DPY19L2: variants seen among roughly 807,000 people sequenced by gnomAD.
DPY19L2 encodes the protein dpy-19 like 2, also known as probable C-mannosyltransferase DPY19L2.
A neutral mutation model predicts 97.9 loss-of-function variants in DPY19L2; 34 were observed. The observed-to-expected ratio is 0.35, with a 90% CI of 0.26 to 0.46. The LOEUF is 0.46. Ranked by LOEUF, DPY19L2 falls within the 20% of genes least tolerant of loss-of-function variation. The probability of loss-of-function intolerance (pLI) is 1.00; values close to 1 mark genes in which losing one functional copy is unlikely to be tolerated. For synonymous variants in DPY19L2, 230 were observed against 307.9 expected, an observed-to-expected ratio of 0.75 and a Z score of 2.65; for missense variants, 623 against 911.4, an observed-to-expected ratio of 0.68 and a Z score of 4.07.
intron 6 of DPY19L2, among the ~76,000 whole-genome samples, chr12:63,631,736 C>T (rs1028821302): frequency 4.6e-5 from 7 of 152,096 alleles, no homozygotes; most frequent in African/African-American, 1.7e-4. Flanking sequence ...CATCCTGATA[C>T]CAAAGTCTGG....
rs1893115449 is a variant in DPY19L2 at position 63,644,410 on chromosome 12, A to G, written c.796T>C (p.Tyr266His). 6.2e-7 allele frequency: 1 copy of G among 1,609,258 alleles called. No homozygotes were observed. Among genetic ancestry groups the G allele is most frequent in the Non-Finnish European group, 8.5e-7 (1 of 1,178,356 alleles). ...ATTCAGTAGTAGTCTTACCTCAGGT[A>G]TGCTCCATACATGAAGAACAATCCC... ...MMGLFFMYGAYLSGTQLGGLI... is the reference protein window; with the variant it reads ...MMGLFFMYGAHLSGTQLGGLI... The change falls in exon 6 of 22, where the codon TAC (tyrosine) becomes CAC (histidine). Residue 266 changes from tyrosine (Y) to histidine (H), a missense_variant. Transcript: ENST00000324472.
At position 63,569,465 on chromosome 12, in the gene DPY19L2, C is replaced by T. The variant is rs1260715533; in HGVS notation, c.2001-116G>A. 8.7e-6 allele frequency: 7 copies of T among 807,752 alleles called. No individual in the cohort carries two copies. In the Admixed American group the frequency reaches 1.4e-4, roughly 16 times the overall value. The allele number at this position is 807,752 out of a possible 1,614,324, so 50.0% of individuals were successfully genotyped here. A position where few individuals can be genotyped will look rare whatever the true frequency, so the allele number is the denominator to read the frequency against. ...ACTCACTGGATGGAACACCGATATA[C>T]ATGACTCAAAACAGCATCAATTATT... On this transcript the variant is annotated intron_variant, in intron 20 of 21. Transcript: ENST00000324472.
intron 6 of DPY19L2, among the ~76,000 whole-genome samples, chr12:63,635,803 C>T (rs1287170244): frequency 5.9e-5 from 9 of 152,096 alleles, no homozygotes; most frequent in South Asian, 4.1e-4. Context: ...TACGGCTGAT[C>T]GGTGTACCTG....
chr12:63,608,566 A>C, intron 12 of DPY19L2, 50 bp downstream of exon 12: 1 of 1,492,776 alleles, frequency 6.7e-7, no homozygotes, highest in Non-Finnish European at 9.2e-7. Flanking sequence ...CAGTTTATAG[A>C]AATAAAAAGT....
intron 11 of DPY19L2, among the ~76,000 whole-genome samples, chr12:63,611,860 AAAT>A (rs1887062315): frequency 6.6e-6 from 1 of 152,118 alleles, no homozygotes; most frequent in South Asian, 2.1e-4. Flanking sequence ...ATATTTGAAG[AAAT>A]AATGACCAAA....
At chr12:63,588,201 T>C (rs551666332) in intron 16 of DPY19L2, among the ~76,000 whole-genome samples, 9 of 152,216 alleles carry the variant, frequency 5.9e-5, no homozygotes, top group African/African-American at 2.2e-4. Flanking sequence ...AAAAGCTGGT[T>C]TTATGAAAAA....
chr12:63,581,263 C>T (rs185041377), intron 18 of DPY19L2, among the ~76,000 whole-genome samples: 2 of 152,190 alleles, frequency 1.3e-5, no homozygotes, highest in African/African-American at 4.8e-5. Context: ...AGGCTATACA[C>T]TCATAATAAA....
intron 7 of DPY19L2, 87 bp downstream of exon 7, chr12:63,626,382 A>T: frequency 7.3e-7 from 1 of 1,368,638 alleles, no homozygotes. Flanking sequence ...TAAGTAGTAT[A>T]CAATTAAATA....
At chr12:63,589,357 CAAAAAAAAAA>C (rs71086687) in intron 16 of DPY19L2, among the ~76,000 whole-genome samples, 797 of 18,780 alleles carry the variant, frequency 0.042, 7 homozygotes, top group African/African-American at 0.059. Flanking sequence ...AAATGTGTTG[CAAAAAAAAAA>C]AAAAAAAAAA....
intron 6 of DPY19L2, among the ~76,000 whole-genome samples, chr12:63,631,461 T>A (rs878864703): frequency 3.3e-5 from 5 of 152,090 alleles, no homozygotes; most frequent in African/African-American, 4.8e-5. Context: ...CTAGAAAATC[T>A]AGAAGAAATG....
chr12:63,582,926 T>C (rs972602941), intron 17 of DPY19L2, among the ~76,000 whole-genome samples: 2 of 152,010 alleles, frequency 1.3e-5, no homozygotes, highest in African/African-American at 2.4e-5. Flanking sequence ...TGGGCCTCAC[T>C]GTAAAGTGAC....
At chr12:63,648,117 C>T (rs1893683333) in intron 4 of DPY19L2, among the ~76,000 whole-genome samples, 1 of 152,124 alleles carries the variant, frequency 6.6e-6, no homozygotes, top group African/African-American at 2.4e-5. Context: ...CACAGTGTTC[C>T]TCTCCTTCAG....
At chr12:63,580,534 A>G (rs940863085) in intron 19 of DPY19L2, 128 bp downstream of exon 19, 87 of 980,692 alleles carry the variant, frequency 8.9e-5, no homozygotes, top group Non-Finnish European at 1.1e-4. Context: ...GAGAGTATGA[A>G]TGCCTATTTG....
At chr12:63,653,678 C>G (rs995573163) in intron 4 of DPY19L2, among the ~76,000 whole-genome samples, 3 of 152,008 alleles carry the variant, frequency 2.0e-5, no homozygotes, top group Admixed American at 2.0e-4. Flanking sequence ...CAGAAAAAAT[C>G]TAAACAAATC....
intron 6 of DPY19L2, among the ~76,000 whole-genome samples, chr12:63,628,687 A>T (rs1245105261): frequency 6.6e-6 from 1 of 151,806 alleles, no homozygotes; most frequent in Non-Finnish European, 1.5e-5. Flanking sequence ...GCAGACTTAA[A>T]TGTCCCTGTC....
intron 6 of DPY19L2, among the ~76,000 whole-genome samples, chr12:63,630,343 A>C (rs1373261697): frequency 3.9e-5 from 6 of 152,156 alleles, no homozygotes; most frequent in Non-Finnish European, 7.4e-5. Context: ...AGAGACACAC[A>C]TAGGCTCAAA....
At position 63,661,193 on chromosome 12, in the gene DPY19L2, G is replaced by A. The variant is rs933459383; in HGVS notation, c.588+151C>T. ...TCTGGGGTCTTTAAATTTTAAGAGA[G>A]GAACTTATGATATTCTACTCAACTA... is the stretch of plus-strand genomic sequence containing the variant. On this transcript the variant is annotated intron_variant, in intron 4 of 21. Coordinates refer to ENST00000324472, the MANE Select transcript of DPY19L2 (RefSeq NM_173812.5). The A allele has an allele frequency of 5.6e-5, 39 of 701,050 alleles. No individual in the cohort carries two copies. In the African/African-American group the frequency reaches 7.0e-4, roughly 12 times the overall value. 43.4% of individuals were successfully genotyped at this position (701,050 alleles called of 1,614,324 possible). A position where few individuals can be genotyped will look rare whatever the true frequency, so the allele number is the denominator to read the frequency against.
chr12:63,590,793 T>G (rs1592466601), intron 16 of DPY19L2, among the ~76,000 whole-genome samples: 2 of 152,234 alleles, frequency 1.3e-5, no homozygotes, highest in East Asian at 3.9e-4. Flanking sequence ...TTTTTCAGAA[T>G]GTATTACTAC....
At chr12:63,569,385 A>G in intron 20 of DPY19L2, 36 bp from the exon 21 acceptor site, 1 of 1,455,558 alleles carries the variant, frequency 6.9e-7, no homozygotes, top group Non-Finnish European at 9.2e-7. Context: ...AGATTTTAAA[A>G]TAAATGATAA....
Sources: gnomAD v4.1 joint callset for allele counts (sites outside exome capture counted in the v4.1 genomes callset) on GRCh38, gnomAD v4.1.1 for gene constraint, MANE v1.5 for transcripts, NCBI Gene and HGNC (gene_info 2026-07-23, HGNC 2026-07-21) for gene names.